Variants in STXBP4 observed in about 807,000 individuals in gnomAD.
STXBP4 encodes syntaxin binding protein 4.
STXBP4 carries 55 observed loss-of-function variants against 76.1 expected under a neutral mutation model. The observed-to-expected ratio is 0.72, with a 90% CI of 0.58 to 0.91. The LOEUF is 0.91. STXBP4 is among the 40% of genes least tolerant of loss of function. The pLI is 0.00. For synonymous variants in STXBP4, 201 were observed against 220.2 expected (o/e 0.91, Z 0.77); for missense variants, 618 against 636.9 (o/e 0.97, Z 0.32).
chr17:55,123,548 C>A (rs2079870835), intron 16 of STXBP4, among the ~76,000 whole-genome samples: 1 of 152,042 alleles, frequency 6.6e-6, no homozygotes, highest in Non-Finnish European at 1.5e-5. Context: ...TCTAACGTTA[C>A]AATAATGGAC....
chr17:55,135,549 T>G (rs944785878), intron 16 of STXBP4, among the ~76,000 whole-genome samples: 2 of 152,152 alleles, frequency 1.3e-5, no homozygotes, highest in African/African-American at 4.8e-5. Flanking sequence ...TTTTAATAGT[T>G]GAAATGCTGC....
In STXBP4 at chr17:55,072,427, T is replaced by C. The variant is rs114140079; in HGVS notation, c.1012-473T>C. On this transcript the variant is annotated intron_variant, in intron 12 of 17. Coordinates refer to ENST00000376352, the MANE Select transcript of STXBP4 (RefSeq NM_178509.6). ...CCAAAAGGGAGAAGTAGTAGATAGA[T>C]TGACGTCCATGAGATAACTTTAGCC... 7.0e-3 allele frequency among the ~76,000 whole-genome samples: 1,067 copies of C among 152,312 alleles called. 15 individuals are homozygous for C. Among genetic ancestry groups the C allele is most frequent in the African/African-American group, 0.024 (1,008 of 41,564 alleles).
chr17:55,022,545 T>C (rs1217216950), intron 8 of STXBP4, among the ~76,000 whole-genome samples: 1 of 152,162 alleles, frequency 6.6e-6, no homozygotes, highest in African/African-American at 2.4e-5. Context: ...TTATAATTCA[T>C]TGTAGTGGGG....
chr17:55,196,912 G>T, the STXBP4 span, among the ~76,000 whole-genome samples: 1 of 152,222 alleles, frequency 6.6e-6, no homozygotes, highest in Admixed American at 6.5e-5. Flanking sequence ...ATGATGAAGA[G>T]CATGCATTCA....
At chr17:54,976,936 C>T (rs1295106409) in intron 1 of STXBP4, among the ~76,000 whole-genome samples, 1 of 152,116 alleles carries the variant, frequency 6.6e-6, no homozygotes, top group African/African-American at 2.4e-5. Flanking sequence ...CTTCCTTACC[C>T]CTCCCTAATT....
intron 12 of STXBP4, among the ~76,000 whole-genome samples, chr17:55,061,351 TC>T (rs780283249): frequency 3.9e-5 from 6 of 152,234 alleles, no homozygotes; most frequent in Non-Finnish European, 7.3e-5. Flanking sequence ...CCTCTAATTT[TC>T]AGAATTGATG....
At position 54,979,613 on chromosome 17, in the gene STXBP4, C is replaced by T. The variant is rs145949082; in HGVS notation, c.-156-6001C>T. Among the ~76,000 whole-genome samples, 507 of 152,254 alleles carry T rather than the reference C, an allele frequency of 3.3e-3. 2 individuals are homozygous for T. The highest frequency in any genetic ancestry group is 0.011 in the African/African-American group (471 of 41,552). ...TACAGCCATACCACCCTGAACATGC[C>T]AGATCTTGTCTGAAAATCCCCATTT... is the stretch of plus-strand genomic sequence containing the variant. On this transcript the variant is annotated intron_variant, in intron 1 of 17. Coordinates refer to ENST00000376352, the MANE Select transcript of STXBP4 (RefSeq NM_178509.6).
intron 3 of STXBP4, among the ~76,000 whole-genome samples, chr17:54,989,960 G>A (rs541262761): frequency 2.0e-5 from 3 of 152,176 alleles, no homozygotes; most frequent in Non-Finnish European, 4.4e-5. Context: ...CCACAGACAT[G>A]TCTTTTAAAG....
At chr17:55,105,636 A>AT (rs1429004630) in intron 16 of STXBP4, among the ~76,000 whole-genome samples, 13 of 144,738 alleles carry the variant, frequency 9.0e-5, no homozygotes, top group African/African-American at 3.6e-4. Flanking sequence ...CACCCAGCTA[A>AT]TATTTTTTTT....
intron 16 of STXBP4, among the ~76,000 whole-genome samples, chr17:55,129,158 C>G (rs2787491): frequency 0.64 from 96,957 of 151,514 alleles, 31,875 homozygotes; most frequent in African/African-American, 0.79. Flanking sequence ...TCGATCTCTT[C>G]ACCTTGTGAT....
rs1433673049 is a variant in STXBP4, at chr17:55,167,892, T to C, written c.*7981T>C. ...CAACAGGAAGACAAAACAAATTGAG[T>C]AGATAATAAAGTTACCTTATAGGAA... On this transcript the variant is annotated 3_prime_UTR_variant, in exon 18 of 18. Transcript: ENST00000376352. The C allele has an allele frequency of 6.6e-6, 1 of 151,976 alleles. No homozygotes were observed. The highest frequency in any genetic ancestry group is 1.9e-4 in the East Asian group (1 of 5,178). The allele number at this position is 151,976 out of a possible 1,614,324, so 9.4% of individuals were successfully genotyped here. A position where few individuals can be genotyped will look rare whatever the true frequency, so the allele number is the denominator to read the frequency against.
chr17:55,134,940 G>GC (rs11462728), intron 16 of STXBP4, among the ~76,000 whole-genome samples: 96,928 of 151,916 alleles, frequency 0.64, 31,780 homozygotes, highest in African/African-American at 0.79. Context: ...ATCAGAGTTA[G>GC]AATGTAAGAG....
At chr17:55,131,219 G>C (rs1035894733) in intron 16 of STXBP4, among the ~76,000 whole-genome samples, 2 of 152,206 alleles carry the variant, frequency 1.3e-5, no homozygotes, top group African/African-American at 4.8e-5. Context: ...TAACAGGTGT[G>C]AAGTGATATC....
chr17:55,059,430 A>C (rs1258930536), intron 12 of STXBP4, among the ~76,000 whole-genome samples: 1 of 152,192 alleles, frequency 6.6e-6, no homozygotes, highest in African/African-American at 2.4e-5. Flanking sequence ...AGTGAGTTAG[A>C]GTTCTACCAA....
chr17:54,982,594 T>TTGTGTGTG (rs61223151), intron 1 of STXBP4, among the ~76,000 whole-genome samples: 68 of 149,192 alleles, frequency 4.6e-4, no homozygotes, highest in Non-Finnish European at 4.8e-4. Context: ...TGAGGGTGGT[T>TTGTGTGTG]TGTGTGTGTG....
intron 4 of STXBP4, among the ~76,000 whole-genome samples, chr17:54,993,468 A>G (rs963546567): frequency 7.6e-6 from 1 of 131,678 alleles, no homozygotes; most frequent in African/African-American, 3.1e-5. Context: ...GCAACAGAGC[A>G]TTTCTAAAAA....
At chr17:55,114,419 T>C (rs1351763739) in intron 16 of STXBP4, among the ~76,000 whole-genome samples, 1 of 152,032 alleles carries the variant, frequency 6.6e-6, no homozygotes. Flanking sequence ...TGATTGGCTG[T>C]ATCACAGTTA....
At chr17:55,090,835 TTG>T (rs10598089) in intron 16 of STXBP4, among the ~76,000 whole-genome samples, 117,598 of 149,516 alleles carry the variant, frequency 0.79, 46,653 homozygotes, top group African/African-American at 0.91. Flanking sequence ...ACATTTTAAA[TTG>T]TGTGTGTGTG....
intron 16 of STXBP4, among the ~76,000 whole-genome samples, chr17:55,137,899 A>G (rs556000593): frequency 1.4e-4 from 22 of 152,258 alleles, no homozygotes; most frequent in African/African-American, 5.3e-4. Flanking sequence ...TAATTAAACT[A>G]CTTTTTAATG....
Sources: allele counts gnomAD v4.1 joint callset (sites outside exome capture counted in the v4.1 genomes callset), GRCh38; gene constraint gnomAD v4.1.1; transcripts MANE v1.5; gene names NCBI Gene and HGNC (gene_info 2026-07-23, HGNC 2026-07-21).